Variants in HMGCLL1 observed in about 807,000 individuals in gnomAD.
The protein encoded by HMGCLL1 is 3-hydroxy-3-methylglutaryl-CoA lyase like 1, also known as 3-hydroxymethyl-3-methylglutaryl-CoA lyase, cytoplasmic.
A neutral mutation model predicts 39.1 loss-of-function variants in HMGCLL1; 36 were observed. The ratio of observed to expected loss-of-function variants is 0.92; its 90% CI spans 0.71 to 1.22. HMGCLL1 has a LOEUF of 1.22. Ranked by LOEUF, HMGCLL1 falls within the 50% of genes most tolerant of loss-of-function variation. The probability of loss-of-function intolerance (pLI) is 0.00; values close to 1 mark genes in which losing one functional copy is unlikely to be tolerated. For missense variants in HMGCLL1, 451 were observed against 416.5 expected (o/e 1.08, Z -0.72); for synonymous variants, 149 against 144.0 (o/e 1.03, Z -0.25).
chr6:55,526,007 A>C (rs142870551), intron 3 of HMGCLL1, among the ~76,000 whole-genome samples: 145 of 152,060 alleles, frequency 9.5e-4, no homozygotes, highest in Non-Finnish European at 1.8e-3. Flanking sequence ...TCTGACATCC[A>C]TGACCAATAT....
chr6:55,643,783 A>C, the HMGCLL1 span, among the ~76,000 whole-genome samples: 2 of 152,034 alleles, frequency 1.3e-5, no homozygotes, highest in Non-Finnish European at 2.9e-5. Flanking sequence ...TGCAAATGAC[A>C]GAATCTGCCT....
the HMGCLL1 span, among the ~76,000 whole-genome samples, chr6:55,629,098 G>A: frequency 6.6e-6 from 1 of 152,142 alleles, no homozygotes; most frequent in African/African-American, 2.4e-5. Flanking sequence ...ACAGTTTGGA[G>A]GGCTCAGAAG....
At chr6:55,600,835 A>C in the HMGCLL1 span, among the ~76,000 whole-genome samples, 2 of 152,172 alleles carry the variant, frequency 1.3e-5, no homozygotes, top group Non-Finnish European at 1.5e-5. Flanking sequence ...AAAATAAGTT[A>C]GATTTAACTA....
At chr6:55,636,557 C>T in the HMGCLL1 span, among the ~76,000 whole-genome samples, 1 of 152,074 alleles carries the variant, frequency 6.6e-6, no homozygotes, top group East Asian at 1.9e-4. Flanking sequence ...TAACTTATGG[C>T]TTAGTGTAAG....
At chr6:55,677,907 C>T in the HMGCLL1 span, among the ~76,000 whole-genome samples, 2 of 152,192 alleles carry the variant, frequency 1.3e-5, no homozygotes, top group Non-Finnish European at 2.9e-5. Context: ...CAATGTCTAT[C>T]TGTAACGTGT....
the HMGCLL1 span, among the ~76,000 whole-genome samples, chr6:55,597,595 G>A: frequency 4.0e-3 from 602 of 151,712 alleles, 5 homozygotes; most frequent in African/African-American, 0.014. Context: ...TGGATTCTAC[G>A]GAAATCCAAA....
At chr6:55,659,332 A>G in the HMGCLL1 span, among the ~76,000 whole-genome samples, 1 of 151,932 alleles carries the variant, frequency 6.6e-6, no homozygotes. Context: ...AACTAAAATC[A>G]TTTATAACTT....
At chr6:55,542,998 AAATT>A (rs1235768076) in intron 1 of HMGCLL1, among the ~76,000 whole-genome samples, 1 of 100,562 alleles carries the variant, frequency 9.9e-6, no homozygotes, top group African/African-American at 4.9e-5. Context: ...TATATATTAT[AAATT>A]ATTATAATAT....
At chr6:55,513,853 A>G in intron 5 of HMGCLL1, 195 bp downstream of exon 5, 1 of 542,892 alleles carries the variant, frequency 1.8e-6, no homozygotes, top group South Asian at 2.8e-5. Flanking sequence ...CACATTCCAC[A>G]AGCTAGATAC....
the HMGCLL1 span, among the ~76,000 whole-genome samples, chr6:55,665,290 G>GA: frequency 6.6e-6 from 1 of 151,628 alleles, no homozygotes; most frequent in Non-Finnish European, 1.5e-5. Context: ...AGTAGATTCT[G>GA]AAAAATATAA....
At chr6:55,530,103 G>T (rs1768574115) in intron 3 of HMGCLL1, among the ~76,000 whole-genome samples, 1 of 151,694 alleles carries the variant, frequency 6.6e-6, no homozygotes, top group South Asian at 2.1e-4. Flanking sequence ...GACTATATTT[G>T]GGCTACTAGA....
chr6:55,450,680 A>G (rs967895851), intron 7 of HMGCLL1, among the ~76,000 whole-genome samples: 5 of 152,336 alleles, frequency 3.3e-5, no homozygotes, highest in Admixed American at 2.0e-4. Flanking sequence ...TGTGAGAAAT[A>G]TAAGTAGAAA....
chr6:55,439,785 A>C, intron 7 of HMGCLL1: 1 of 387,520 alleles, frequency 2.6e-6, no homozygotes, highest in Non-Finnish European at 4.6e-6. Flanking sequence ...CTCTGGAGCT[A>C]GAATAATCTT....
the HMGCLL1 span, among the ~76,000 whole-genome samples, chr6:55,669,564 G>T: frequency 6.6e-6 from 1 of 151,706 alleles, no homozygotes; most frequent in Non-Finnish European, 1.5e-5. Context: ...GATGAAAAAG[G>T]CTTTAAAATA....
At chr6:55,616,190 ATGTT>A in the HMGCLL1 span, among the ~76,000 whole-genome samples, 1 of 152,046 alleles carries the variant, frequency 6.6e-6, no homozygotes, top group Non-Finnish European at 1.5e-5. Flanking sequence ...CTTTGAATCT[ATGTT>A]TGCTATGGGA....
chr6:55,635,493 C>A, the HMGCLL1 span, among the ~76,000 whole-genome samples: 2 of 151,992 alleles, frequency 1.3e-5, no homozygotes, highest in African/African-American at 4.8e-5. Context: ...GATTAAGTTT[C>A]ATATGTATTA....
chr6:55,625,791 A>T, the HMGCLL1 span, among the ~76,000 whole-genome samples: 1 of 152,156 alleles, frequency 6.6e-6, no homozygotes, highest in African/African-American at 2.4e-5. Flanking sequence ...TTTGGGGAAG[A>T]GGTATGTGGA....
At chr6:55,677,734 A>C in the HMGCLL1 span, among the ~76,000 whole-genome samples, 1 of 152,190 alleles carries the variant, frequency 6.6e-6, no homozygotes, top group Non-Finnish European at 1.5e-5. Context: ...TTGTGGCTCA[A>C]TTTTACAGTT....
chr6:55,638,962 C>T, the HMGCLL1 span, among the ~76,000 whole-genome samples: 2 of 151,996 alleles, frequency 1.3e-5, no homozygotes, highest in East Asian at 1.9e-4. Flanking sequence ...TAGCAGCAGC[C>T]CAGGCAAACA....
Sources: gnomAD v4.1 joint callset for allele counts (sites outside exome capture counted in the v4.1 genomes callset) on GRCh38, gnomAD v4.1.1 for gene constraint, MANE v1.5 for transcripts, NCBI Gene and HGNC (gene_info 2026-07-23, HGNC 2026-07-21) for gene names.